Variants in TRAPPC12 observed in about 807,000 individuals in gnomAD.
TRAPPC12 encodes the protein TPR repeat protein 15.
A neutral mutation model predicts 69.2 loss-of-function variants in TRAPPC12; 61 were observed. The ratio of observed to expected loss-of-function variants is 0.88; its 90% CI spans 0.72 to 1.09. TRAPPC12 has a LOEUF of 1.09. Among genes scored for constraint, TRAPPC12 ranks in the 50% least tolerant of loss-of-function variants. The probability of loss-of-function intolerance (pLI) is 0.00; values close to 1 mark genes in which losing one functional copy is unlikely to be tolerated. For missense variants in TRAPPC12, 1,101 were observed against 1,016.4 expected (o/e 1.08, Z -1.13); for synonymous variants, 469 against 438.9 (o/e 1.07, Z -0.86).
intron 9 of TRAPPC12, chr2:3,468,012 CT>C (rs1158179257): frequency 6.6e-6 from 1 of 152,262 alleles, no homozygotes; most frequent in East Asian, 1.9e-4. Flanking sequence ...GCCTTGTGGC[CT>C]GTCAGGTGAG....
At chr2:3,430,999 G>A (rs922608364) in intron 5 of TRAPPC12, among the ~76,000 whole-genome samples, 3 of 151,474 alleles carry the variant, frequency 2.0e-5, no homozygotes, top group East Asian at 2.1e-4. Flanking sequence ...TGCTGGGACC[G>A]TCCGCTGGGT....
chr2:3,416,011 T>C lies in TRAPPC12; in HGVS notation c.1165-5870T>C, dbSNP rs149361916. ...GATTACAGGCGTGAGCCACCACGCC[T>C]GGCCCACTTACTTTCATCTCAAGAT... On this transcript the variant is annotated intron_variant, in intron 3 of 11. Transcript: ENST00000324266. 6.7e-3 allele frequency among the ~76,000 whole-genome samples: 1,019 copies of C among 152,300 alleles called. 12 individuals are homozygous for C. The highest frequency in any genetic ancestry group is 0.024 in the African/African-American group (978 of 41,572).
chr2:3,442,782 A>G (rs749637590), intron 5 of TRAPPC12, among the ~76,000 whole-genome samples: 2 of 152,342 alleles, frequency 1.3e-5, no homozygotes, highest in Middle Eastern at 3.4e-3. Flanking sequence ...AGATGGATGC[A>G]TTGAGGCACA....
rs180760605 is a variant in TRAPPC12, at chr2:3,438,712, C to T, written c.1418-5067C>T. Reference sequence around the variant, plus strand: ...CAGTATGTGGTCCTCAGATTGGCTTCGTTCACTTAGGAATGTGCATTTAGG... The same window carrying T: ...CAGTATGTGGTCCTCAGATTGGCTTTGTTCACTTAGGAATGTGCATTTAGG... On this transcript the variant is annotated intron_variant, in intron 5 of 11. Transcript: ENST00000324266. Among the ~76,000 whole-genome samples the T allele has an allele frequency of 2.9e-3, 434 of 152,176 alleles. 2 individuals carry two copies. The highest frequency in any genetic ancestry group is 0.01 in the Middle Eastern group (3 of 292).
At position 3,475,198 on chromosome 2, in the gene TRAPPC12, C is replaced by G. The variant is rs999832327; in HGVS notation, c.1777-2497C>G. On this transcript the variant is annotated intron_variant, in intron 9 of 11. Transcript: ENST00000324266. Reference sequence around the variant, plus strand: ...GCAGAACTCCTGGGCTCAAGAGATTCACCTGCCTTAGCCTCTCATGTAGCT... The same window carrying G: ...GCAGAACTCCTGGGCTCAAGAGATTGACCTGCCTTAGCCTCTCATGTAGCT... Among the ~76,000 whole-genome samples, 3 of 152,182 alleles carry G rather than the reference C, an allele frequency of 2.0e-5. No individual in the cohort carries two copies. The South Asian group carries it at 6.2e-4, about 31-fold the overall frequency.
chr2:3,419,629 G>A lies in TRAPPC12; in HGVS notation c.1165-2252G>A, dbSNP rs78176865. 1.0e-3 allele frequency among the ~76,000 whole-genome samples: 146 copies of A among 145,786 alleles called. 4 individuals are homozygous for A. In the East Asian group the frequency reaches 0.027, roughly 26 times the overall value. On this transcript the variant is annotated intron_variant, in intron 3 of 11. Transcript: ENST00000324266. ...CTCCAACTGCACTGTGTACGCTCTGGTGTCCTCATTTCCAAAAAAAAAAAA... is the reference window on the plus strand; with the variant it reads ...CTCCAACTGCACTGTGTACGCTCTGATGTCCTCATTTCCAAAAAAAAAAAA...
chr2:3,409,002 GC>G (rs1661886786), intron 3 of TRAPPC12, among the ~76,000 whole-genome samples: 1 of 152,172 alleles, frequency 6.6e-6, no homozygotes, highest in Non-Finnish European at 1.5e-5. Context: ...CCTGAGCCCT[GC>G]CCGGCCAGGG....
At chr2:3,395,323 C>T (rs908993312) in intron 2 of TRAPPC12, among the ~76,000 whole-genome samples, 1 of 152,022 alleles carries the variant, frequency 6.6e-6, no homozygotes, top group South Asian at 2.1e-4. Flanking sequence ...TTTTCTCCAT[C>T]TTTCAAACTT....
At chr2:3,469,841 T>C (rs890755014) in intron 9 of TRAPPC12, among the ~76,000 whole-genome samples, 2 of 152,236 alleles carry the variant, frequency 1.3e-5, no homozygotes, top group Non-Finnish European at 2.9e-5. Flanking sequence ...GCAGCAGTCA[T>C]GAGCATCCCT....
At chr2:3,418,081 A>C (rs903513560) in intron 3 of TRAPPC12, among the ~76,000 whole-genome samples, 87 of 136,048 alleles carry the variant, frequency 6.4e-4, no homozygotes, top group African/African-American at 2.2e-3. Context: ...TGGCAGGCAC[A>C]GTGGCTAATG....
intron 1 of TRAPPC12, among the ~76,000 whole-genome samples, chr2:3,381,609 C>T (rs552033490): frequency 1.1e-4 from 16 of 152,086 alleles, no homozygotes; most frequent in Admixed American, 2.6e-4. Context: ...ATTTCTATCA[C>T]GTACAAATCA....
chr2:3,387,649 A>T lies in TRAPPC12; in HGVS notation c.26A>T (p.Glu9Val), dbSNP rs1660554414. Reference sequence around the variant, plus strand: ...ATGGAGGACGCTGGCGGCGGCGAGGAGACCCCGGCCCCGGAGGCCCCGCAC... The same window carrying T: ...ATGGAGGACGCTGGCGGCGGCGAGGTGACCCCGGCCCCGGAGGCCCCGCAC... MEDAGGGE[E>V]TPAPEAPHPP... The change falls in exon 2 of 12, where the codon GAG (glutamate) becomes GTG (valine). Residue 9 changes from glutamate (E) to valine (V), a missense_variant. By Grantham distance (121) the Glu-to-Val change is moderately radical (BLOSUM62 -2). Coordinates refer to ENST00000324266, the MANE Select transcript of TRAPPC12 (RefSeq NM_016030.6). 6 of 1,545,346 alleles carry T rather than the reference A, an allele frequency of 3.9e-6. No homozygotes were observed. In the South Asian group the frequency reaches 4.8e-5, roughly 12 times the overall value.
chr2:3,462,036 G>A (rs902291033), intron 8 of TRAPPC12, among the ~76,000 whole-genome samples: 2 of 152,228 alleles, frequency 1.3e-5, no homozygotes, highest in African/African-American at 4.8e-5. Flanking sequence ...CCAGCTTGCC[G>A]GAACATTCTT....
chr2:3,466,200 G>C (rs902334618), intron 9 of TRAPPC12: 1 of 451,902 alleles, frequency 2.2e-6, no homozygotes, highest in African/African-American at 2.0e-5. Context: ...GTGACAGGGA[G>C]GTCACAGGGA....
chr2:3,429,744 C>A (rs1358215716), intron 5 of TRAPPC12, among the ~76,000 whole-genome samples: 39 of 152,190 alleles, frequency 2.6e-4, no homozygotes, highest in Non-Finnish European at 4.4e-5. Context: ...CCCACTACTT[C>A]CGTACCTTAT....
chr2:3,379,767 C>G lies in TRAPPC12; in HGVS notation c.-114C>G, dbSNP rs10176767. ...CCGGCACGCGCAGGCGTACAGAGCT[C>G]CCCGGGGGTGCCAGTTCCTCTCCGA... is the stretch of plus-strand genomic sequence containing the variant. On this transcript the variant is annotated 5_prime_UTR_variant, in exon 1 of 12. Transcript: ENST00000324266. The G allele has an allele frequency of 0.54, 81,900 of 152,440 alleles. 22,049 individuals are homozygous for G. The highest frequency in any genetic ancestry group is 0.57 in the African/African-American group (23,515 of 41,522). 9.4% of individuals were successfully genotyped at this position (152,440 alleles called of 1,614,324 possible).
intron 3 of TRAPPC12, among the ~76,000 whole-genome samples, chr2:3,405,725 A>T (rs1483828272): frequency 6.6e-6 from 1 of 152,172 alleles, no homozygotes; most frequent in African/African-American, 2.4e-5. Flanking sequence ...TAGAAGTGCT[A>T]TTCTATTATT....
chr2:3,471,699 A>C (rs1666068763), intron 9 of TRAPPC12, among the ~76,000 whole-genome samples: 2 of 152,228 alleles, frequency 1.3e-5, no homozygotes, highest in South Asian at 4.1e-4. Context: ...ATCTTCAAAC[A>C]GAAGAAGCAT....
At chr2:3,406,633 G>T (rs112452457) in intron 3 of TRAPPC12, among the ~76,000 whole-genome samples, 2,026 of 152,252 alleles carry the variant, frequency 0.013, 48 homozygotes, top group African/African-American at 0.044. Flanking sequence ...ATGCAGTTAC[G>T]GATCTCCAGG....
Sources: gnomAD v4.1 joint callset for allele counts (sites outside exome capture counted in the v4.1 genomes callset) on GRCh38, gnomAD v4.1.1 for gene constraint, MANE v1.5 for transcripts, NCBI Gene and HGNC (gene_info 2026-07-23, HGNC 2026-07-21) for gene names.